Variants in GLRB observed in about 807,000 individuals in gnomAD.
GLRB encodes glycine receptor beta, also known as glycine receptor subunit beta.
Under a neutral mutation model 54.2 loss-of-function variants are expected in GLRB, and 33 were observed. That is an observed-to-expected ratio of 0.61 (90% CI 0.46 to 0.81). The LOEUF (loss-of-function observed/expected upper bound fraction) is 0.81. GLRB is among the 40% of genes least tolerant of loss of function. GLRB has a pLI of 0.00. For missense variants in GLRB, 572 were observed against 584.6 expected, an observed-to-expected ratio of 0.98 and a Z score of 0.22; for synonymous variants, 209 against 208.2, an observed-to-expected ratio of 1.00 and a Z score of -0.03.
At chr4:157,160,517 T>A (rs1393530164) in intron 9 of GLRB, among the ~76,000 whole-genome samples, 1 of 152,092 alleles carries the variant, frequency 6.6e-6, no homozygotes, top group Non-Finnish European at 1.5e-5. Flanking sequence ...GTCCCAGAGA[T>A]TCTGGTATGT....
intron 2 of GLRB, among the ~76,000 whole-genome samples, chr4:157,082,192 A>T (rs1579179956): frequency 2.0e-5 from 3 of 152,204 alleles, no homozygotes; most frequent in Admixed American, 2.0e-4. Flanking sequence ...TTTTAATCTG[A>T]TTGTTTCATA....
Position 157,165,447 on chromosome 4 carries a change from A to G in GLRB, c.1198-4985A>G, listed in dbSNP as rs150008381. ...CAATAATAATTAACAGAAGTGTAAT[A>G]TAATTTGGATTGTAGGAAATGTTTG... On this transcript the variant is annotated intron_variant, in intron 9 of 9. Coordinates refer to ENST00000264428, the MANE Select transcript of GLRB (RefSeq NM_000824.5). Among the ~76,000 whole-genome samples the G allele has an allele frequency of 1.2e-3, 186 of 152,136 alleles. 4 individuals are homozygous for G. In the East Asian group the frequency reaches 0.03, roughly 24 times the overall value.
At chr4:157,153,537 G>A (rs1031734232) in intron 9 of GLRB, among the ~76,000 whole-genome samples, 13 of 152,166 alleles carry the variant, frequency 8.5e-5, no homozygotes, top group African/African-American at 3.1e-4. Flanking sequence ...TCAGGGAAAC[G>A]ATGCCTGCAG....
At chr4:157,130,868 A>G (rs1736189421) in intron 4 of GLRB, among the ~76,000 whole-genome samples, 1 of 151,738 alleles carries the variant, frequency 6.6e-6, no homozygotes, top group Non-Finnish European at 1.5e-5. Context: ...AAGACATATC[A>G]ATGATTTATT....
intron 8 of GLRB, among the ~76,000 whole-genome samples, chr4:157,150,681 C>T (rs1413983887): frequency 1.3e-5 from 2 of 151,916 alleles, no homozygotes; most frequent in African/African-American, 4.8e-5. Flanking sequence ...CAATGTTTTC[C>T]TGACAAAGTC....
Position 157,101,618 on chromosome 4 carries a change from G to A in GLRB, c.123-18938G>A, listed in dbSNP as rs1019963894. Among the ~76,000 whole-genome samples the A allele has an allele frequency of 2.6e-5, 4 of 152,052 alleles. No homozygotes were observed. The South Asian group carries it at 8.3e-4, about 32-fold the overall frequency. ...TGCCTACTGTTTTGTGGTGAGGGGG[G>A]ACCTGAAATTGGGGTTAACTTTTTC... On this transcript the variant is annotated intron_variant, in intron 2 of 9. Transcript: ENST00000264428.
At position 157,114,876 on chromosome 4, in the gene GLRB, A is replaced by ACT. The variant is rs577706177; in HGVS notation, c.123-5679_123-5678dup. On this transcript the variant is annotated intron_variant, in intron 2 of 9. Coordinates refer to ENST00000264428, the MANE Select transcript of GLRB (RefSeq NM_000824.5). Reference sequence around the variant, plus strand: ...ACATGACTTATCACGGTTGAGGTTAACTTGATCACCTGCTGAGGAGAGTGC... The same window carrying ACT: ...ACATGACTTATCACGGTTGAGGTTAACTCTTGATCACCTGCTGAGGAGAGTGC... Among the ~76,000 whole-genome samples the ACT allele has an allele frequency of 4.3e-3, 655 of 151,876 alleles. 8 individuals are homozygous for ACT. Among genetic ancestry groups the ACT allele is most frequent in the African/African-American group, 0.015 (625 of 41,494 alleles).
intron 8 of GLRB, among the ~76,000 whole-genome samples, chr4:157,150,029 T>C (rs1033032079): frequency 6.6e-6 from 1 of 152,070 alleles, no homozygotes; most frequent in Non-Finnish European, 1.5e-5. Context: ...GAGGTTACTG[T>C]ATATATCTTG....
chr4:157,144,315 A>G (rs1736728182), intron 8 of GLRB, among the ~76,000 whole-genome samples: 1 of 152,210 alleles, frequency 6.6e-6, no homozygotes, highest in Non-Finnish European at 1.5e-5. Context: ...TCTGAAAAAT[A>G]GTATGTATTA....
At chr4:157,148,636 G>T (rs1051155962) in intron 8 of GLRB, among the ~76,000 whole-genome samples, 1 of 152,136 alleles carries the variant, frequency 6.6e-6, no homozygotes, top group Non-Finnish European at 1.5e-5. Flanking sequence ...CTTTAGAAAT[G>T]TAGAGTTTTT....
chr4:157,148,704 A>G (rs1487518948), intron 8 of GLRB, among the ~76,000 whole-genome samples: 1 of 152,088 alleles, frequency 6.6e-6, no homozygotes, highest in East Asian at 1.9e-4. Context: ...CAGAGAATAT[A>G]CTCACGGATT....
chr4:157,132,154 A>G (rs1028127744), intron 4 of GLRB, among the ~76,000 whole-genome samples: 1 of 151,850 alleles, frequency 6.6e-6, no homozygotes, highest in African/African-American at 2.4e-5. Flanking sequence ...CCTGATGTCA[A>G]AGGATGTTGA....
intron 9 of GLRB, among the ~76,000 whole-genome samples, chr4:157,160,951 T>A (rs571103480): frequency 6.6e-6 from 1 of 152,290 alleles, no homozygotes; most frequent in South Asian, 2.1e-4. Flanking sequence ...CTCCCATTCT[T>A]ATTATGTGGG....
chr4:157,122,111 A>G (rs981000434), intron 3 of GLRB, among the ~76,000 whole-genome samples: 4 of 150,330 alleles, frequency 2.7e-5, no homozygotes, highest in Admixed American at 6.6e-5. Flanking sequence ...AAAACATTAT[A>G]AAATATAATC....
chr4:157,143,923 A>G lies in GLRB; in HGVS notation c.868A>G (p.Ile290Val), dbSNP rs1274398522. Residue 290 changes from isoleucine to valine, a missense_variant, in exon 8 of 10, where the codon ATC becomes GTC. Coordinates refer to ENST00000264428, the MANE Select transcript of GLRB (RefSeq NM_000824.5). ...IVVLSWLSFW[I>V]NPDASAARVP... ...TGTTCTCTCCTGGCTTTCCTTCTGG[A>G]TCAACCCGGACGCGAGTGCTGCCAG... 6.2e-7 allele frequency: 1 copy of G among 1,614,052 alleles called. No homozygotes were observed. Among genetic ancestry groups the G allele is most frequent in the Non-Finnish European group, 8.5e-7 (1 of 1,180,010 alleles).
chr4:157,152,943 G>A lies in GLRB; in HGVS notation c.1130G>A (p.Gly377Asp). 1 of 1,614,044 alleles carries A rather than the reference G, an allele frequency of 6.2e-7. No individual in the cohort carries two copies. Among genetic ancestry groups the A allele is most frequent in the Non-Finnish European group, 8.5e-7 (1 of 1,179,950 alleles). ...IAKAEQADGK[G>D]GNVAKKNTVN... ...AAGGCTGAGCAAGCAGATGGAAAAG[G>A]TGGAAATGTGGCTAAAAAGAATACT... is the stretch of plus-strand genomic sequence containing the variant. The change falls in exon 9 of 10, where the codon GGT (glycine) becomes GAT (aspartate). Residue 377 changes from glycine to aspartate, a missense_variant. By Grantham distance (94) the Gly-to-Asp change is moderately conservative. Transcript: ENST00000264428.
chr4:157,121,538 A>G (rs1456081852), intron 3 of GLRB, among the ~76,000 whole-genome samples: 1 of 151,406 alleles, frequency 6.6e-6, no homozygotes, highest in Non-Finnish European at 1.5e-5. Flanking sequence ...CTATGTTGTA[A>G]AAATGGGTTT....
chr4:157,078,990 T>C (rs549057517), intron 2 of GLRB, among the ~76,000 whole-genome samples: 2 of 152,188 alleles, frequency 1.3e-5, no homozygotes, highest in African/African-American at 4.8e-5. Flanking sequence ...ACCTGTCTGG[T>C]CTCCAACTCC....
At position 157,170,979 on chromosome 4, in the gene GLRB, A is replaced by G. The variant is rs41279333; in HGVS notation, c.*251A>G. Reference sequence around the variant, plus strand: ...AACAAATGAAGGACAAGCATACTACATAATATAATCCATACAATTCTCTTC... The same window carrying G: ...AACAAATGAAGGACAAGCATACTACGTAATATAATCCATACAATTCTCTTC... On this transcript the variant is annotated 3_prime_UTR_variant, in exon 10 of 10. Transcript: ENST00000264428. The G allele has an allele frequency of 2.4e-3, 807 of 329,448 alleles. No individual in the cohort carries two copies. Among genetic ancestry groups the G allele is most frequent in the Non-Finnish European group, 3.5e-3 (634 of 180,170 alleles). The allele number at this position is 329,448 out of a possible 1,614,324, so 20.4% of individuals were successfully genotyped here.
Sources: gnomAD v4.1 joint callset for allele counts (sites outside exome capture counted in the v4.1 genomes callset) on GRCh38, gnomAD v4.1.1 for gene constraint, MANE v1.5 for transcripts, NCBI Gene and HGNC (gene_info 2026-07-23, HGNC 2026-07-21) for gene names.